CDH12: variants seen among roughly 807,000 people sequenced by gnomAD.
CDH12 encodes the protein cadherin-12.
CDH12 carries 41 observed loss-of-function variants against 74.1 expected under a neutral mutation model. That is an observed-to-expected ratio of 0.55 (90% CI 0.43 to 0.72). The LOEUF is 0.72. Among genes scored for constraint, CDH12 ranks in the 30% least tolerant of loss-of-function variants. The pLI, the probability that CDH12 is intolerant of heterozygous loss-of-function variation, is 0.00. For missense variants in CDH12, 945 were observed against 977.2 expected (o/e 0.97, Z 0.44); for synonymous variants, 399 against 355.0 (o/e 1.12, Z -1.39).
At chr5:22,718,318 G>A (rs1311638002) in intron 1 of CDH12, among the ~76,000 whole-genome samples, 3 of 152,118 alleles carry the variant, frequency 2.0e-5, no homozygotes, top group African/African-American at 4.8e-5. Flanking sequence ...TCTTAAAGTG[G>A]GAACTCTAGT....
At chr5:21,863,455 A>G (rs1433422020) in intron 6 of CDH12, among the ~76,000 whole-genome samples, 1 of 152,176 alleles carries the variant, frequency 6.6e-6, no homozygotes, top group Non-Finnish European at 1.5e-5. Flanking sequence ...ACAATTTTAC[A>G]CCAACAGCCT....
At chr5:22,614,273 C>T (rs566479790) in intron 1 of CDH12, among the ~76,000 whole-genome samples, 1 of 152,018 alleles carries the variant, frequency 6.6e-6, no homozygotes, top group African/African-American at 2.4e-5. Context: ...GAAGTGATGG[C>T]TAAATGGGAA....
At chr5:22,555,394 T>C (rs931024430) in intron 1 of CDH12, among the ~76,000 whole-genome samples, 16 of 151,952 alleles carry the variant, frequency 1.1e-4, no homozygotes, top group African/African-American at 3.1e-4. Context: ...AAACCAACCA[T>C]GCAATAAAAG....
At chr5:22,108,229 C>A (rs1424577337) in intron 4 of CDH12, among the ~76,000 whole-genome samples, 1 of 152,144 alleles carries the variant, frequency 6.6e-6, no homozygotes, top group Non-Finnish European at 1.5e-5. Flanking sequence ...AGTTCCCCTG[C>A]ACAAGCCTTC....
chr5:21,906,065 CATATTT>C (rs1235309886), intron 6 of CDH12, among the ~76,000 whole-genome samples: 2 of 151,994 alleles, frequency 1.3e-5, no homozygotes, highest in South Asian at 2.1e-4. Flanking sequence ...ACTATAAGTA[CATATTT>C]ATATTTATAA....
intron 6 of CDH12, among the ~76,000 whole-genome samples, chr5:21,869,365 G>A (rs1340440713): frequency 6.6e-6 from 1 of 152,134 alleles, no homozygotes; most frequent in Non-Finnish European, 1.5e-5. Context: ...ATGTACTTGT[G>A]GAAGGCAAAG....
At chr5:22,155,772 A>T (rs956749336) in intron 4 of CDH12, among the ~76,000 whole-genome samples, 1 of 152,200 alleles carries the variant, frequency 6.6e-6, no homozygotes. Flanking sequence ...AGGAAGAAAC[A>T]CAGGCAACAC....
At chr5:22,491,819 G>A (rs1336527237) in intron 2 of CDH12, among the ~76,000 whole-genome samples, 1 of 151,988 alleles carries the variant, frequency 6.6e-6, no homozygotes, top group Non-Finnish European at 1.5e-5. Context: ...GGTATTTGCA[G>A]GGCTTGTTTC....
intron 1 of CDH12, among the ~76,000 whole-genome samples, chr5:22,614,999 G>C (rs894581806): frequency 5.9e-5 from 9 of 151,876 alleles, no homozygotes; most frequent in African/African-American, 1.9e-4. Context: ...GTGTGTCGGT[G>C]TAAGATTTCA....
At chr5:22,073,845 T>C (rs1012532663) in intron 5 of CDH12, among the ~76,000 whole-genome samples, 5 of 152,120 alleles carry the variant, frequency 3.3e-5, no homozygotes, top group African/African-American at 1.2e-4. Context: ...ATACATTCTT[T>C]TAGATTTGAA....
intron 4 of CDH12, among the ~76,000 whole-genome samples, chr5:22,092,362 A>G (rs906511847): frequency 1.3e-5 from 2 of 152,190 alleles, no homozygotes; most frequent in Admixed American, 1.3e-4. Context: ...TGTTCAAATT[A>G]TTCACTTGAC....
chr5:22,390,575 G>GAGATAGAT (rs5866562), intron 3 of CDH12, among the ~76,000 whole-genome samples: 6,573 of 148,224 alleles, frequency 0.044, 177 homozygotes, highest in East Asian at 0.064. Flanking sequence ...GATGGATGGA[G>GAGATAGAT]AGATAGATAG....
chr5:22,370,215 T>C (rs577143958), intron 3 of CDH12, among the ~76,000 whole-genome samples: 2 of 152,326 alleles, frequency 1.3e-5, no homozygotes, highest in Admixed American at 6.5e-5. Context: ...TGGAAGATCA[T>C]ATTTCCTTTT....
Position 22,442,705 on chromosome 5 carries a change from G to C in CDH12, c.-427-37354C>G, listed in dbSNP as rs576752400. 1.6e-4 allele frequency among the ~76,000 whole-genome samples: 24 copies of C among 152,014 alleles called. 1 individual carries two copies. Among genetic ancestry groups the C allele is most frequent in the Admixed American group, 1.6e-3 (24 of 15,260 alleles). On this transcript the variant is annotated intron_variant, in intron 2 of 14. Coordinates refer to ENST00000382254, the MANE Select transcript of CDH12 (RefSeq NM_004061.5). ...ATAGTTGAGAGGATGATCTGAAGTA[G>C]GCAGGAAAGCAAGGGTCTTGAGAAT...
At chr5:22,208,972 G>C (rs1751381490) in intron 4 of CDH12, among the ~76,000 whole-genome samples, 1 of 152,156 alleles carries the variant, frequency 6.6e-6, no homozygotes. Flanking sequence ...ACGCTGGTTG[G>C]TTGTTGGAGA....
chr5:22,829,502 C>T (rs992399541), intron 1 of CDH12, among the ~76,000 whole-genome samples: 3 of 152,072 alleles, frequency 2.0e-5, no homozygotes, highest in African/African-American at 2.4e-5. Context: ...ATTACACAAT[C>T]GCAGTCTTGT....
chr5:22,236,854 G>A (rs1225998133), intron 3 of CDH12, among the ~76,000 whole-genome samples: 1 of 152,006 alleles, frequency 6.6e-6, no homozygotes, highest in Non-Finnish European at 1.5e-5. Flanking sequence ...TGGTCCACTG[G>A]AAGGTCTTCA....
At chr5:22,308,205 A>G (rs116704519) in intron 3 of CDH12, among the ~76,000 whole-genome samples, 5,831 of 152,026 alleles carry the variant, frequency 0.038, 387 homozygotes, top group African/African-American at 0.13. Context: ...GTCATATGAG[A>G]TTCTAGAAAA....
intron 3 of CDH12, among the ~76,000 whole-genome samples, chr5:22,399,863 A>G (rs763476708): frequency 2.0e-5 from 3 of 151,814 alleles, no homozygotes; most frequent in Admixed American, 6.5e-5. Flanking sequence ...CTACTTGTAT[A>G]GGAGATATTA....
Sources: allele counts gnomAD v4.1 joint callset (sites outside exome capture counted in the v4.1 genomes callset), GRCh38; gene constraint gnomAD v4.1.1; transcripts MANE v1.5; gene names NCBI Gene and HGNC (gene_info 2026-07-23, HGNC 2026-07-21).